TBC1D9B: variants seen among roughly 807,000 people sequenced by gnomAD.
TBC1D9B encodes the protein TBC1 domain family, member 9B (with GRAM domain).
Under a neutral mutation model 121.1 loss-of-function variants are expected in TBC1D9B, and 87 were observed. That is an observed-to-expected ratio of 0.72 (90% CI 0.60 to 0.86). The LOEUF (loss-of-function observed/expected upper bound fraction) is 0.86, where lower values mean the gene tolerates loss of function less well. Ranked by LOEUF, TBC1D9B falls within the 40% of genes least tolerant of loss-of-function variation. The probability of loss-of-function intolerance (pLI) is 0.00; values close to 1 mark genes in which losing one functional copy is unlikely to be tolerated. For missense variants in TBC1D9B, 1,540 were observed against 1,628.6 expected (o/e 0.95, Z 0.94); for synonymous variants, 668 against 670.1 (o/e 1.00, Z 0.05).
chr5:179,871,725 A>G lies in TBC1D9B; in HGVS notation c.2416-195T>C, dbSNP rs950655450. The G allele has an allele frequency of 4.0e-5, 22 of 548,824 alleles. No homozygotes were observed. The East Asian group carries it at 7.0e-4, about 17-fold the overall frequency. 34.0% of individuals were successfully genotyped at this position (548,824 alleles called of 1,614,324 possible). On this transcript the variant is annotated intron_variant, in intron 14 of 20. Coordinates refer to ENST00000355235, the MANE Select transcript of TBC1D9B (RefSeq NM_015043.4). ...ATCCCTGGCCCCCCACCTACCACTC[A>G]GCTCACACTCCGGGCTCCTTTCCAG...
Position 179,879,070 on chromosome 5 carries a change from C to A in TBC1D9B, c.1544G>T (p.Gly515Val), listed in dbSNP as rs150301970. 5.6e-6 allele frequency: 9 copies of A among 1,604,380 alleles called. No homozygotes were observed. In the East Asian group the frequency reaches 2.0e-4, roughly 36 times the overall value. The change falls in exon 9 of 21, where the codon GGA becomes GTA. Residue 515 changes from glycine to valine, a missense_variant. Physicochemically the swap from Gly to Val is moderately radical, Grantham distance 109. Transcript: ENST00000355235. ...ACCGGAGAAGAGGAGCCACAGCTCT[C>A]CCCGGAGGCTCTCAGGGATACCCTT... ...VLKGIPESLR[G>V]ELWLLFSGAW... is the part of the protein sequence containing the mutation.
rs572539287 is a variant in TBC1D9B, at chr5:179,862,311, G to A, written c.*1137C>T. 10 of 303,968 alleles carry A rather than the reference G, an allele frequency of 3.3e-5. No homozygotes were observed. In the East Asian group the frequency reaches 7.7e-4, roughly 23 times the overall value. The allele number at this position is 303,968 out of a possible 1,614,324, so 18.8% of individuals were successfully genotyped here. A position where few individuals can be genotyped will look rare whatever the true frequency, so the allele number is the denominator to read the frequency against. Reference sequence around the variant, plus strand: ...GAAGCAAGAGCAGCCCCATGTGGGGGCTAACACTGGACACTGGTCAGTTTC... The same window carrying A: ...GAAGCAAGAGCAGCCCCATGTGGGGACTAACACTGGACACTGGTCAGTTTC... On this transcript the variant is annotated 3_prime_UTR_variant, in exon 21 of 21. Coordinates refer to ENST00000355235, the MANE Select transcript of TBC1D9B (RefSeq NM_015043.4).
In TBC1D9B at chr5:179,907,384, G is replaced by C. The variant is rs1015662902; in HGVS notation, c.118+320C>G. Among the ~76,000 whole-genome samples the C allele has an allele frequency of 6.6e-6, 1 of 152,002 alleles. No individual in the cohort carries two copies. Among genetic ancestry groups the C allele is most frequent in the African/African-American group, 2.4e-5 (1 of 41,450 alleles). On this transcript the variant is annotated intron_variant, in intron 1 of 20. Coordinates refer to ENST00000355235, the MANE Select transcript of TBC1D9B (RefSeq NM_015043.4). The surrounding 1 kb of genome is among the most constrained non-coding windows in gnomAD (Gnocchi z 5.3). ...TTCGGCGGTGAGATCCCGGGAAGCT[G>C]CACGGCCCCCGGGGCTCGCGGGCGC...
rs200909191 is a variant in TBC1D9B, at chr5:179,863,507, T to C, written c.3643A>G (p.Lys1215Glu). Residue 1215 changes from lysine (K) to glutamate (E), a missense_variant, in exon 21 of 21, where the codon AAA becomes GAA. By Grantham distance (56) the Lys-to-Glu change is moderately conservative (BLOSUM62 1). Transcript: ENST00000355235. The surrounding 1 kb of genome is among the most constrained non-coding windows in gnomAD (Gnocchi z 4.5). ...DIGLKIKDQK[K>E]VERQFSTASD... ...GCGGTGCTGAACTGTCTCTCCACTT[T>C]CTTTTGGTCCTTGATCTTGAGTCCA... 50 of 1,614,170 alleles carry C rather than the reference T, an allele frequency of 3.1e-5. No homozygotes were observed. Among genetic ancestry groups the C allele is most frequent in the Non-Finnish European group, 3.8e-5 (45 of 1,180,024 alleles).
Position 179,865,139 on chromosome 5 carries a change from G to A in TBC1D9B, c.3021+115C>T. ...CCAGGACTAACGGGCTCTAGAGGCA[G>A]GGAGGAGCCTTCCCACCCACCAGGA... On this transcript the variant is annotated intron_variant, in intron 20 of 20. Transcript: ENST00000355235. This position sits in a 1 kb window ranked among gnomAD's most constrained non-coding sequence, Gnocchi z 5.1. The A allele has an allele frequency of 1.0e-6, 1 of 980,722 alleles. No homozygotes were observed. Among genetic ancestry groups the A allele is most frequent in the Non-Finnish European group, 1.6e-6 (1 of 627,426 alleles). 60.8% of individuals were successfully genotyped at this position (980,722 alleles called of 1,614,324 possible). A position where few individuals can be genotyped will look rare whatever the true frequency, so the allele number is the denominator to read the frequency against.
intron 7 of TBC1D9B, among the ~76,000 whole-genome samples, chr5:179,881,576 A>G (rs555996981): frequency 1.1e-4 from 16 of 152,312 alleles, no homozygotes; most frequent in African/African-American, 3.6e-4. Context: ...TTTTGGATAT[A>G]TATGTTAAAC....
At position 179,869,815 on chromosome 5, in the gene TBC1D9B, G is replaced by C; in HGVS notation, c.2745C>G (p.Asp915Glu). 6.4e-7 allele frequency: 1 copy of C among 1,565,640 alleles called. No individual in the cohort carries two copies. Among genetic ancestry groups the C allele is most frequent in the Non-Finnish European group, 8.7e-7 (1 of 1,153,662 alleles). The change falls in exon 17 of 21, where the codon GAC (aspartate) becomes GAG (glutamate). Residue 915 changes from aspartate (D) to glutamate (E), a missense_variant. By Grantham distance (45) the Asp-to-Glu change is conservative (BLOSUM62 2). Coordinates refer to ENST00000355235, the MANE Select transcript of TBC1D9B (RefSeq NM_015043.4). Reference sequence around the variant, plus strand: ...AGAGCACCTTGAGCTTCTCTGTCAGGTCCCCGTGGTACATCCCGCCTGTGG... The same window carrying C: ...AGAGCACCTTGAGCTTCTCTGTCAGCTCCCCGTGGTACATCCCGCCTGTGG... ...VTGMSGMYHG[D>E]LTEKLKVLYK...
At position 179,863,270 on chromosome 5, in the gene TBC1D9B, G is replaced by T; in HGVS notation, c.*178C>A. 1.4e-6 allele frequency: 1 copy of T among 697,910 alleles called. No individual in the cohort carries two copies. Among genetic ancestry groups the T allele is most frequent in the Non-Finnish European group, 2.3e-6 (1 of 435,158 alleles). The allele number at this position is 697,910 out of a possible 1,614,324, so 43.2% of individuals were successfully genotyped here. On this transcript the variant is annotated 3_prime_UTR_variant, in exon 21 of 21. Coordinates refer to ENST00000355235, the MANE Select transcript of TBC1D9B (RefSeq NM_015043.4). The surrounding 1 kb of genome is among the most constrained non-coding windows in gnomAD (Gnocchi z 4.5). ...GCCGGCGCCAGGAGATGCAGGCCCA[G>T]GGAATCTGTCTAAGGCAGCTGGGTC...
rs367653077 is a variant in TBC1D9B, at chr5:179,878,321, G to A, written c.1770C>T (p.Ile590=). ...TCAGGCCCCTTACCTGGCAGTAGCC[G>A]ATGGTGGGGTTTCGGAAGGCATAGG... ...LTAYAFRNPT[I]GYCQAMNIVT... Residue 590 remains isoleucine, a synonymous_variant, in exon 10 of 21, where the codon ATC becomes ATT. Coordinates refer to ENST00000355235, the MANE Select transcript of TBC1D9B (RefSeq NM_015043.4). 126 of 1,612,678 alleles carry A rather than the reference G, an allele frequency of 7.8e-5. No individual in the cohort carries two copies. Among genetic ancestry groups the A allele is most frequent in the Non-Finnish European group, 1.0e-4 (118 of 1,179,748 alleles).
chr5:179,891,508 G>A lies in TBC1D9B; in HGVS notation c.915C>T (p.His305=). The A allele has an allele frequency of 1.2e-6, 2 of 1,614,202 alleles. No homozygotes were observed. Among genetic ancestry groups the A allele is most frequent in the African/African-American group, 1.3e-5 (1 of 75,062 alleles). Residue 305 remains histidine, a synonymous_variant, in exon 6 of 21, where the codon CAC becomes CAT. Coordinates refer to ENST00000355235, the MANE Select transcript of TBC1D9B (RefSeq NM_015043.4). The surrounding 1 kb of genome is among the most constrained non-coding windows in gnomAD (Gnocchi z 4.3). ...ACGGCGTCCACAGGGTGCAGCTTGT[G>A]TGGCCGTCTAGCCGCTCATCCCTGG... ...RLPRDERLDG[H]TSCTLWTPFN... is the part of the protein sequence containing the mutation.
intron 7 of TBC1D9B, among the ~76,000 whole-genome samples, chr5:179,880,556 C>G (rs1760511440): frequency 1.3e-5 from 2 of 152,224 alleles, no homozygotes; most frequent in South Asian, 4.1e-4. Flanking sequence ...TGCCAGGGTG[C>G]TGGGCGCCCT....
At chr5:179,901,897 T>C (rs1022247498) in intron 2 of TBC1D9B, among the ~76,000 whole-genome samples, 33 of 152,248 alleles carry the variant, frequency 2.2e-4, no homozygotes, top group African/African-American at 6.5e-4. Context: ...TAATAGCTAA[T>C]TAGAGTATTA....
At chr5:179,866,441 C>T (rs1160563778) in intron 18 of TBC1D9B, 1 of 152,652 alleles carries the variant, frequency 6.6e-6, no homozygotes, top group Non-Finnish European at 1.5e-5. Context: ...AGCAGCCGAC[C>T]AGCTCTCCTG....
intron 2 of TBC1D9B, among the ~76,000 whole-genome samples, chr5:179,900,823 C>T (rs560585282): frequency 3.9e-5 from 6 of 152,196 alleles, no homozygotes; most frequent in Non-Finnish European, 4.4e-5. Flanking sequence ...AAGAGCACTA[C>T]GGCACTATGC....
At chr5:179,882,199 C>T (rs149657397) in intron 7 of TBC1D9B, among the ~76,000 whole-genome samples, 2,610 of 152,288 alleles carry the variant, frequency 0.017, 71 homozygotes, top group African/African-American at 0.06. Flanking sequence ...CCTGCCTCGG[C>T]CTCCCAAAGT....
chr5:179,864,085 C>A lies in TBC1D9B; in HGVS notation c.3065G>T (p.Ser1022Ile). Residue 1022 changes from serine to isoleucine, a missense_variant, in exon 21 of 21, where the codon AGT (serine) becomes ATT (isoleucine). Physicochemically the swap from Ser to Ile is moderately radical, Grantham distance 142. Transcript: ENST00000355235. ...ELCKTLYNMF[S>I]EDPMEQDLYH... ...CAGGTCCTGCTCCATGGGGTCTTCA[C>A]TGAACATGTTGTAAAGCGTCTTGCA... 6.2e-7 allele frequency: 1 copy of A among 1,613,404 alleles called. No homozygotes were observed. The highest frequency in any genetic ancestry group is 8.5e-7 in the Non-Finnish European group (1 of 1,179,886).
intron 5 of TBC1D9B, 85 bp downstream of exon 5, chr5:179,893,124 C>G: frequency 6.6e-7 from 1 of 1,507,876 alleles, no homozygotes; most frequent in Non-Finnish European, 8.8e-7. Context: ...TTCTCCAGGT[C>G]TACACACTTG....
intron 3 of TBC1D9B, among the ~76,000 whole-genome samples, chr5:179,898,856 TA>T (rs1761084177): frequency 6.6e-6 from 1 of 152,204 alleles, no homozygotes; most frequent in Non-Finnish European, 1.5e-5. Context: ...AGTTTTATTA[TA>T]AAAAACAACT....
At position 179,895,004 on chromosome 5, in the gene TBC1D9B, G is replaced by A. The variant is rs370946208; in HGVS notation, c.349-390C>T. Among the ~76,000 whole-genome samples the A allele has an allele frequency of 5.1e-4, 77 of 152,204 alleles. 3 individuals are homozygous for A. The South Asian group carries it at 0.016, about 31-fold the overall frequency. ...AGCCTCCCAAGTAGTTGGGACTATA[G>A]GTGTACTCCACCACACCTGGCTAAT... is the stretch of plus-strand genomic sequence containing the variant. On this transcript the variant is annotated intron_variant, in intron 3 of 20. Transcript: ENST00000355235.
Sources: gnomAD v4.1 joint callset for allele counts (sites outside exome capture counted in the v4.1 genomes callset) on GRCh38, gnomAD v4.1.1 for gene constraint, Gnocchi (gnomAD v3.1) non-coding constraint, MANE v1.5 for transcripts, NCBI Gene and HGNC (gene_info 2026-07-23, HGNC 2026-07-21) for gene names.